Variants in MYO7A observed in about 807,000 individuals in gnomAD.
MYO7A encodes unconventional myosin-VIIa.
In MYO7A, 210 loss-of-function variants were observed where a neutral mutation model predicts 263.8. That is an observed-to-expected ratio of 0.80 (90% confidence interval 0.71 to 0.89). MYO7A has a LOEUF of 0.89. MYO7A is among the 40% of genes least tolerant of loss of function. The probability of loss-of-function intolerance (pLI) is 0.00; values close to 1 mark genes in which losing one functional copy is unlikely to be tolerated. For missense variants in MYO7A, 2,820 were observed against 2,968.3 expected (o/e 0.95, Z 1.16); for synonymous variants, 1,239 against 1,197.3 (o/e 1.03, Z -0.72).
rs559710992 is a variant in MYO7A at position 77,180,514 on chromosome 11, C to T, written c.2694+33C>T. On this transcript the variant is annotated intron_variant, in intron 22 of 48. Coordinates refer to ENST00000409709, the MANE Select transcript of MYO7A (RefSeq NM_000260.4). ...GAGAGCCTCCAGGCACCTTAGGTGT[C>T]CACTTGCTGGCTTGTCCCCTCCCCG... is the stretch of plus-strand genomic sequence containing the variant. 136 of 1,578,948 alleles carry T rather than the reference C, an allele frequency of 8.6e-5. No homozygotes were observed. In the South Asian group the frequency reaches 1.3e-3, roughly 15 times the overall value.
At chr11:77,165,469 C>T (rs537195629) in intron 14 of MYO7A, among the ~76,000 whole-genome samples, 1 of 152,284 alleles carries the variant, frequency 6.6e-6, no homozygotes, top group South Asian at 2.1e-4. Context: ...TTTGCACCAG[C>T]GTCCTGGGTT....
chr11:77,182,970 C>A (rs573112408), intron 25 of MYO7A, 98 bp from the exon 26 acceptor site: 1 of 1,048,382 alleles, frequency 9.5e-7, no homozygotes, highest in Non-Finnish European at 1.4e-6. Flanking sequence ...GTAAGCTTCA[C>A]GTGGAAGCGA....
At chr11:77,194,921 C>T (rs567894386) in intron 32 of MYO7A, among the ~76,000 whole-genome samples, 1 of 152,126 alleles carries the variant, frequency 6.6e-6, no homozygotes, top group Non-Finnish European at 1.5e-5. Flanking sequence ...GACAGGCCCC[C>T]TTGACCCTCT....
chr11:77,188,683 G>A (rs1555089752), intron 27 of MYO7A, among the ~76,000 whole-genome samples: 1 of 152,232 alleles, frequency 6.6e-6, no homozygotes. Flanking sequence ...ACTGTGCTAG[G>A]TGTGTCATAA....
chr11:77,193,112 G>GGTGATGGTGGAGGTAGTT (rs1956314244), intron 31 of MYO7A, among the ~76,000 whole-genome samples: 1 of 138,220 alleles, frequency 7.2e-6, no homozygotes, highest in Non-Finnish European at 1.5e-5. Flanking sequence ...TGATGCTGTT[G>GGTGATGGTGGAGGTAGTT]GTGATGGTGG....
chr11:77,169,171 A>C (rs1410992441), intron 15 of MYO7A, among the ~76,000 whole-genome samples: 1 of 152,214 alleles, frequency 6.6e-6, no homozygotes, highest in Non-Finnish European at 1.5e-5. Context: ...TCAGGATGGA[A>C]GCCCACGCCA....
At position 77,147,913 on chromosome 11, in the gene MYO7A, G is replaced by A. The variant is rs782444985; in HGVS notation, c.248G>A (p.Arg83His). 1.2e-5 allele frequency: 19 copies of A among 1,572,200 alleles called. No individual in the cohort carries two copies. The highest frequency in any genetic ancestry group is 1.5e-5 in the Non-Finnish European group (17 of 1,159,998). The change falls in exon 4 of 49, where the codon CGC (arginine) becomes CAC (histidine). Residue 83 changes from arginine (R) to histidine (H), a missense_variant. By Grantham distance (29) the Arg-to-His change is conservative. Coordinates refer to ENST00000409709, the MANE Select transcript of MYO7A (RefSeq NM_000260.4). ...GACCTCAACGAGGCGGGCATCTTGC[G>A]CAACCTGCTTATCCGCTACCGGGAC... ...LGDLNEAGILRNLLIRYRDHL... is the reference protein window; with the variant it reads ...LGDLNEAGILHNLLIRYRDHL...
chr11:77,203,908 G>A (rs145528027), intron 38 of MYO7A, among the ~76,000 whole-genome samples, 168 bp from the exon 39 acceptor site: 1 of 152,280 alleles, frequency 6.6e-6, no homozygotes, highest in East Asian at 1.9e-4. Context: ...TGGTGACTGT[G>A]AGGAGGCGGA....
At chr11:77,165,936 G>C in intron 14 of MYO7A, 120 bp from the exon 15 acceptor site, 1 of 698,454 alleles carries the variant, frequency 1.4e-6, no homozygotes, top group Non-Finnish European at 2.5e-6. Context: ...CAGGGCCCCC[G>C]TCATGAAATG....
chr11:77,203,651 G>C lies in MYO7A; in HGVS notation c.5327-425G>C, dbSNP rs948963. On this transcript the variant is annotated intron_variant, in intron 38 of 48. Transcript: ENST00000409709. ...CTTAGCCAGGCAAAGGGGAGGGAGG[G>C]GGAGTGTTCCAGAGAGAGGGAGCAG... 0.53 allele frequency among the ~76,000 whole-genome samples: 81,295 copies of C among 151,996 alleles called. 21,971 individuals carry two copies. Among genetic ancestry groups the C allele is most frequent in the Admixed American group, 0.61 (9,285 of 15,282 alleles).
At chr11:77,147,203 G>T (rs1951633123) in intron 3 of MYO7A, among the ~76,000 whole-genome samples, 1 of 151,790 alleles carries the variant, frequency 6.6e-6, no homozygotes, top group Non-Finnish European at 1.5e-5. Flanking sequence ...CTGTTCCCTG[G>T]GCCTGGAGCC....
At chr11:77,172,967 G>A in intron 16 of MYO7A, 82 bp downstream of exon 16, 1 of 1,467,154 alleles carries the variant, frequency 6.8e-7, no homozygotes, top group East Asian at 2.5e-5. Flanking sequence ...TAGGGTGGGA[G>A]TGAAGGATGT....
intron 2 of MYO7A, among the ~76,000 whole-genome samples, chr11:77,137,320 C>T (rs782589212): frequency 3.3e-5 from 5 of 152,114 alleles, no homozygotes; most frequent in African/African-American, 7.2e-5. Context: ...GAGGCATCAC[C>T]GTCTTTTTCG....
At position 77,205,543 on chromosome 11, in the gene MYO7A, G is replaced by A. The variant is rs778723055; in HGVS notation, c.5562G>A (p.Val1854=). ...CCAGCAACATCCTCCTGCCCCACGTGCAGCGCTTCCTGCAGTCCCGAAAGC... is the reference window on the plus strand; with the variant it reads ...CCAGCAACATCCTCCTGCCCCACGTACAGCGCTTCCTGCAGTCCCGAAAGC... ...FPPSNILLPH[V]QRFLQSRKHC... The change falls in exon 40 of 49, where the codon GTG becomes GTA. Residue 1854 remains valine (V), a synonymous_variant. Coordinates refer to ENST00000409709, the MANE Select transcript of MYO7A (RefSeq NM_000260.4). 6.2e-7 allele frequency: 1 copy of A among 1,610,968 alleles called. No individual in the cohort carries two copies. The highest frequency in any genetic ancestry group is 1.7e-5 in the Admixed American group (1 of 59,690).
chr11:77,157,243 C>T, intron 7 of MYO7A, 36 bp from the exon 8 acceptor site: 1 of 1,538,720 alleles, frequency 6.5e-7, no homozygotes, highest in Non-Finnish European at 8.9e-7. Flanking sequence ...TCTGGCCCTC[C>T]TCCCCTGGCC....
At chr11:77,177,773 C>T (rs1555080939) in intron 19 of MYO7A, 130 bp downstream of exon 19, 2 of 669,478 alleles carry the variant, frequency 3.0e-6, no homozygotes, top group African/African-American at 1.8e-5. Context: ...CAAGTGCACA[C>T]ATGCATGGCA....
At chr11:77,168,913 T>G (rs1417214856) in intron 15 of MYO7A, among the ~76,000 whole-genome samples, 1 of 152,234 alleles carries the variant, frequency 6.6e-6, no homozygotes, top group Non-Finnish European at 1.5e-5. Flanking sequence ...GGGACTTGTC[T>G]AAGGCCATAT....
At chr11:77,185,599 T>A (rs1555087950) in intron 27 of MYO7A, among the ~76,000 whole-genome samples, 1 of 152,224 alleles carries the variant, frequency 6.6e-6, no homozygotes, top group Non-Finnish European at 1.5e-5. Flanking sequence ...TGCAGTTACT[T>A]CCTCTTGAAG....
At chr11:77,200,913 G>A (rs1957017414) in intron 35 of MYO7A, among the ~76,000 whole-genome samples, 1 of 152,088 alleles carries the variant, frequency 6.6e-6, no homozygotes. Context: ...AGATGAAATG[G>A]ACCCCACCCT....
Sources: gnomAD v4.1 joint callset for allele counts (sites outside exome capture counted in the v4.1 genomes callset) on GRCh38, gnomAD v4.1.1 for gene constraint, MANE v1.5 for transcripts, NCBI Gene and HGNC (gene_info 2026-07-23, HGNC 2026-07-21) for gene names.